CYB5R4: variants seen among roughly 807,000 people sequenced by gnomAD.
CYB5R4 encodes the protein cytochrome b5 reductase 4, also known as N-terminal cytochrome b5 and cytochrome b5 oxidoreductase domain-containing protein.
Under a neutral mutation model 70.2 loss-of-function variants are expected in CYB5R4, and 55 were observed. The observed-to-expected ratio is 0.78, with a 90% confidence interval of 0.63 to 0.98. CYB5R4 has a LOEUF of 0.98. Ranked by LOEUF, CYB5R4 falls within the 50% of genes least tolerant of loss-of-function variation. The probability of loss-of-function intolerance (pLI) is 0.00; values close to 1 mark genes in which losing one functional copy is unlikely to be tolerated. For synonymous variants in CYB5R4, 197 were observed against 199.5 expected (o/e 0.99, Z 0.11); for missense variants, 562 against 612.6 (o/e 0.92, Z 0.87).
At chr6:83,921,603 T>C (rs936174277) in intron 8 of CYB5R4, among the ~76,000 whole-genome samples, 1 of 152,222 alleles carries the variant, frequency 6.6e-6, no homozygotes, top group Admixed American at 6.5e-5. Flanking sequence ...AAATTTGTAT[T>C]GTATCCTCCA....
At chr6:83,956,444 G>A (rs2099472438) in intron 15 of CYB5R4, among the ~76,000 whole-genome samples, 1 of 152,164 alleles carries the variant, frequency 6.6e-6, no homozygotes, top group South Asian at 2.1e-4. Context: ...AATTGGTTGA[G>A]TTTGTCTAAA....
intron 3 of CYB5R4, among the ~76,000 whole-genome samples, chr6:83,902,037 A>G (rs1440564498): frequency 2.0e-5 from 3 of 151,924 alleles, no homozygotes; most frequent in Non-Finnish European, 4.4e-5. Flanking sequence ...ATATAGTTAC[A>G]TTTGTCTATT....
At chr6:83,908,212 C>A (rs1421897830) in intron 3 of CYB5R4, among the ~76,000 whole-genome samples, 1 of 152,148 alleles carries the variant, frequency 6.6e-6, no homozygotes, top group Non-Finnish European at 1.5e-5. Flanking sequence ...TTTTGATTTG[C>A]ATTTCTCAAA....
chr6:83,871,167 TG>T (rs1258570877), intron 2 of CYB5R4, among the ~76,000 whole-genome samples: 10 of 151,672 alleles, frequency 6.6e-5, no homozygotes, highest in African/African-American at 1.7e-4. Context: ...TTAGTAGAGA[TG>T]GGGGTTTCAC....
intron 14 of CYB5R4, among the ~76,000 whole-genome samples, chr6:83,950,196 A>G (rs2099471303): frequency 6.6e-6 from 1 of 152,176 alleles, no homozygotes; most frequent in Non-Finnish European, 1.5e-5. Flanking sequence ...GAACAGAAAA[A>G]AAAATGTGTA....
chr6:83,897,581 G>C (rs539175532), intron 3 of CYB5R4, among the ~76,000 whole-genome samples: 108 of 152,114 alleles, frequency 7.1e-4, no homozygotes, highest in South Asian at 1.2e-3. Context: ...TTTTAATGAT[G>C]GCCATTCTAA....
At chr6:83,896,829 GTT>G (rs1214535764) in intron 3 of CYB5R4, among the ~76,000 whole-genome samples, 2 of 151,768 alleles carry the variant, frequency 1.3e-5, no homozygotes, top group African/African-American at 2.4e-5. Flanking sequence ...TAATATTTTA[GTT>G]TTTTAAGAAA....
intron 2 of CYB5R4, 27 bp from the exon 3 acceptor site, chr6:83,893,495 A>G: frequency 7.5e-7 from 1 of 1,338,426 alleles, no homozygotes; most frequent in Non-Finnish European, 1.1e-6. Context: ...TTCATTTAGG[A>G]TATTATTTCT....
At chr6:83,924,368 A>G (rs2099466934) in intron 9 of CYB5R4, 102 bp from the exon 10 acceptor site, 5 of 1,163,290 alleles carry the variant, frequency 4.3e-6, no homozygotes, top group Admixed American at 4.8e-5. Flanking sequence ...AGTACCATTC[A>G]TATTAGATCA....
intron 2 of CYB5R4, 117 bp from the exon 3 acceptor site, chr6:83,893,405 T>G (rs1432411984): frequency 1.6e-6 from 1 of 625,812 alleles, no homozygotes; most frequent in East Asian, 2.9e-5. Context: ...TACTTTGAAA[T>G]AACAGTGATT....
chr6:83,898,597 C>T (rs1332758132), intron 3 of CYB5R4, among the ~76,000 whole-genome samples: 2 of 152,334 alleles, frequency 1.3e-5, no homozygotes, highest in African/African-American at 4.8e-5. Flanking sequence ...TACCCACGAG[C>T]ATGGAATGTT....
intron 3 of CYB5R4, among the ~76,000 whole-genome samples, chr6:83,898,367 C>T (rs1378944184): frequency 1.3e-5 from 2 of 151,440 alleles, no homozygotes; most frequent in Non-Finnish European, 2.9e-5. Flanking sequence ...GTTACTGTAG[C>T]CTTGTAGTAT....
chr6:83,904,532 T>G (rs2099463469), intron 3 of CYB5R4, among the ~76,000 whole-genome samples: 2 of 152,220 alleles, frequency 1.3e-5, no homozygotes, highest in South Asian at 4.1e-4. Flanking sequence ...GTTTTATAAA[T>G]GTCTGCTAGG....
At chr6:83,872,989 G>A (rs1044513894) in intron 2 of CYB5R4, among the ~76,000 whole-genome samples, 5 of 152,114 alleles carry the variant, frequency 3.3e-5, no homozygotes, top group Non-Finnish European at 7.3e-5. Context: ...TAGCTGATGA[G>A]AATGGAGCCA....
intron 10 of CYB5R4, among the ~76,000 whole-genome samples, chr6:83,931,454 C>G (rs1001883794): frequency 6.6e-6 from 1 of 152,156 alleles, no homozygotes; most frequent in African/African-American, 2.4e-5. Context: ...CCTGTGTTTT[C>G]TGTTTTGGCC....
At chr6:83,889,604 C>G (rs948409877) in intron 2 of CYB5R4, among the ~76,000 whole-genome samples, 4 of 152,186 alleles carry the variant, frequency 2.6e-5, no homozygotes, top group African/African-American at 9.7e-5. Flanking sequence ...TGCAACTGGT[C>G]ACCCAAGAGG....
chr6:83,924,714 A>G, intron 10 of CYB5R4, 122 bp downstream of exon 10: 1 of 1,032,332 alleles, frequency 9.7e-7, no homozygotes, highest in Non-Finnish European at 1.4e-6. Context: ...ATCTACTGCT[A>G]GGAAGTTTGA....
At chr6:83,865,948 A>C (rs2099456661) in intron 2 of CYB5R4, among the ~76,000 whole-genome samples, 1 of 152,166 alleles carries the variant, frequency 6.6e-6, no homozygotes, top group South Asian at 2.1e-4. Context: ...TCCTTTTGAC[A>C]TTTTATAGGG....
At chr6:83,909,852 T>G (rs2099464395) in intron 4 of CYB5R4, among the ~76,000 whole-genome samples, 1 of 152,202 alleles carries the variant, frequency 6.6e-6, no homozygotes, top group African/African-American at 2.4e-5. Flanking sequence ...CTACTGGCAT[T>G]CTAATTGATA....
Sources: gnomAD v4.1 joint callset for allele counts (sites outside exome capture counted in the v4.1 genomes callset) on GRCh38, gnomAD v4.1.1 for gene constraint, MANE v1.5 for transcripts, NCBI Gene and HGNC (gene_info 2026-07-23, HGNC 2026-07-21) for gene names.